MAPKAP1: variants seen among roughly 807,000 people sequenced by gnomAD.
MAPKAP1 encodes the protein target of rapamycin complex 2 subunit MAPKAP1.
A neutral mutation model predicts 65.7 loss-of-function variants in MAPKAP1; 20 were observed. The ratio of observed to expected loss-of-function variants is 0.30; its 90% CI spans 0.21 to 0.44. MAPKAP1 has a LOEUF of 0.44. Among genes scored for constraint, MAPKAP1 ranks in the 20% least tolerant of loss-of-function variants. The pLI, the probability that MAPKAP1 is intolerant of heterozygous loss-of-function variation, is 1.00. For missense variants in MAPKAP1, 423 were observed against 648.0 expected, an observed-to-expected ratio of 0.65 and a Z score of 3.77; for synonymous variants, 222 against 244.3, an observed-to-expected ratio of 0.91 and a Z score of 0.85.
chr9:125,697,939 A>G (rs879690166), intron 1 of MAPKAP1, among the ~76,000 whole-genome samples: 17 of 152,034 alleles, frequency 1.1e-4, no homozygotes, highest in Non-Finnish European at 1.6e-4. Flanking sequence ...AATATAATCA[A>G]TAATAACTTT....
chr9:125,589,342 T>TG (rs1831884089), intron 4 of MAPKAP1, among the ~76,000 whole-genome samples: 5 of 152,294 alleles, frequency 3.3e-5, no homozygotes, highest in Non-Finnish European at 5.9e-5. Flanking sequence ...CCTCTGAACT[T>TG]CCTTGAGAGC....
chr9:125,598,210 AAATTCTATGAC>A (rs1832197420), intron 4 of MAPKAP1, among the ~76,000 whole-genome samples: 2 of 152,152 alleles, frequency 1.3e-5, no homozygotes, highest in South Asian at 4.1e-4. Flanking sequence ...ATTTTGTGTA[AAATTCTATGAC>A]AAATCCATTC....
intron 1 of MAPKAP1, among the ~76,000 whole-genome samples, chr9:125,686,230 T>G (rs1834969475): frequency 6.8e-6 from 1 of 146,308 alleles, no homozygotes; most frequent in Non-Finnish European, 1.5e-5. Flanking sequence ...GAGAACGGCA[T>G]GAACCCGGGA....
chr9:125,467,974 G>A lies in MAPKAP1; in HGVS notation c.1343C>T (p.Pro448Leu). The A allele has an allele frequency of 6.2e-7, 1 of 1,614,070 alleles. No homozygotes were observed. The highest frequency in any genetic ancestry group is 1.1e-5 in the South Asian group (1 of 91,070). ...CATAAATAAAAGGGACTACTCACTGGGGCTTTTCTCTTCAGCAAGGTCACA... is the reference window on the plus strand; with the variant it reads ...CATAAATAAAAGGGACTACTCACTGAGGCTTTTCTCTTCAGCAAGGTCACA... ...CACDLAEEKS[P>L]SHAIFKLTYL... is the part of the protein sequence containing the mutation. The change falls in exon 10 of 12, where the codon CCC becomes CTC. Residue 448 changes from proline to leucine, a missense_variant and splice_region_variant. By Grantham distance (98) the Pro-to-Leu change is moderately conservative. This residue lies in a region of MAPKAP1 where 185 missense variants were observed against 268.1 expected (regional missense o/e 0.69). Transcript: ENST00000265960.
chr9:125,653,569 GC>G (rs1233994950), intron 4 of MAPKAP1, among the ~76,000 whole-genome samples: 2 of 152,136 alleles, frequency 1.3e-5, no homozygotes, highest in Non-Finnish European at 2.9e-5. Context: ...AGTTCTTCCT[GC>G]CATTTCTCAA....
chr9:125,598,932 C>T (rs1405193021), intron 4 of MAPKAP1, among the ~76,000 whole-genome samples: 2 of 150,730 alleles, frequency 1.3e-5, no homozygotes, highest in African/African-American at 2.4e-5. Context: ...CCCAGATACT[C>T]GAGAGGCTGA....
At chr9:125,643,198 C>A (rs1328914290) in intron 4 of MAPKAP1, among the ~76,000 whole-genome samples, 1 of 150,556 alleles carries the variant, frequency 6.6e-6, no homozygotes, top group Non-Finnish European at 1.5e-5. Context: ...CCACGCCCAG[C>A]GTTTTTTTTT....
intron 1 of MAPKAP1, among the ~76,000 whole-genome samples, chr9:125,700,648 T>TC (rs766229934): frequency 3.3e-5 from 5 of 152,198 alleles, no homozygotes; most frequent in Non-Finnish European, 7.3e-5. Context: ...TAAATCCATT[T>TC]CCCCAATATA....
chr9:125,577,563 G>C (rs1435233230), intron 5 of MAPKAP1, among the ~76,000 whole-genome samples: 2 of 81,348 alleles, frequency 2.5e-5, no homozygotes, highest in South Asian at 4.4e-4. Flanking sequence ...GGAGGGAGGT[G>C]GGGGGGTCAG....
intron 4 of MAPKAP1, among the ~76,000 whole-genome samples, chr9:125,623,756 T>G (rs1281576022): frequency 2.2e-4 from 6 of 27,764 alleles, no homozygotes; most frequent in Admixed American, 3.7e-4. Context: ...GGGAGGGAGG[T>G]GGGGGGTCAG....
At chr9:125,517,093 T>C (rs1182177020) in intron 7 of MAPKAP1, among the ~76,000 whole-genome samples, 1 of 152,196 alleles carries the variant, frequency 6.6e-6, no homozygotes, top group Non-Finnish European at 1.5e-5. Context: ...GTACCCACGG[T>C]GAGGCCAGGA....
chr9:125,484,585 T>C lies in MAPKAP1; in HGVS notation c.1067-2A>G. ...CAAAAACCCCGTCTGCCCTTGAACC[T>C]GGGGAGGAAAAGGCAGTTTAACACA... On this transcript the variant is annotated splice_acceptor_variant, in intron 8 of 11. Transcript: ENST00000265960. LOFTEE classifies it high-confidence loss of function. 1 of 1,606,230 alleles carries C rather than the reference T, an allele frequency of 6.2e-7. No individual in the cohort carries two copies. Among genetic ancestry groups the C allele is most frequent in the Non-Finnish European group, 8.5e-7 (1 of 1,176,348 alleles).
At chr9:125,472,149 A>G (rs1853947910) in intron 9 of MAPKAP1, among the ~76,000 whole-genome samples, 1 of 152,226 alleles carries the variant, frequency 6.6e-6, no homozygotes, top group Non-Finnish European at 1.5e-5. Context: ...CTCAGCCACT[A>G]CACTATTCTG....
chr9:125,557,945 C>T (rs1418113881), intron 6 of MAPKAP1, among the ~76,000 whole-genome samples: 4 of 152,220 alleles, frequency 2.6e-5, no homozygotes, highest in African/African-American at 9.6e-5. Context: ...CTACCTCCGC[C>T]TCCCGGGTTC....
rs553733355 is a variant in MAPKAP1 at position 125,693,090 on chromosome 9, G to A, written c.-70+13881C>T. Among the ~76,000 whole-genome samples the A allele has an allele frequency of 2.0e-3, 308 of 152,114 alleles. 1 individual carries two copies. Among genetic ancestry groups the A allele is most frequent in the African/African-American group, 7.0e-3 (290 of 41,496 alleles). ...CATTCTAATCCACACCAGGGGATCC[G>A]CATGAGAAGCCCCTTATAATATTTT... On this transcript the variant is annotated intron_variant, in intron 1 of 11. Coordinates refer to ENST00000265960, the MANE Select transcript of MAPKAP1 (RefSeq NM_001006617.3).
intron 8 of MAPKAP1, among the ~76,000 whole-genome samples, chr9:125,487,420 T>G (rs919063362): frequency 6.6e-6 from 1 of 152,184 alleles, no homozygotes; most frequent in South Asian, 2.1e-4. Context: ...GCAGAGAATT[T>G]TGGTAAAATA....
chr9:125,508,438 TA>T (rs745321846), intron 7 of MAPKAP1, among the ~76,000 whole-genome samples: 16 of 152,208 alleles, frequency 1.1e-4, no homozygotes, highest in Non-Finnish European at 2.2e-4. Flanking sequence ...AATGGCCTAT[TA>T]AACAATCTCT....
intron 5 of MAPKAP1, among the ~76,000 whole-genome samples, chr9:125,576,670 C>T (rs948621979): frequency 3.3e-5 from 5 of 152,380 alleles, no homozygotes; most frequent in African/African-American, 1.2e-4. Context: ...AGGCGCACGC[C>T]GCCACACCTG....
chr9:125,705,669 A>G (rs531933544), intron 1 of MAPKAP1, among the ~76,000 whole-genome samples: 1 of 152,330 alleles, frequency 6.6e-6, no homozygotes, highest in South Asian at 2.1e-4. Context: ...AATTGTAGAT[A>G]AAAATGAGCG....
Sources: gnomAD v4.1 joint callset for allele counts (sites outside exome capture counted in the v4.1 genomes callset) on GRCh38, gnomAD v4.1.1 for gene constraint, gnomAD v4.1.1 regional missense constraint, MANE v1.5 for transcripts, NCBI Gene and HGNC (gene_info 2026-07-23, HGNC 2026-07-21) for gene names.